RORA: variants seen among roughly 807,000 people sequenced by gnomAD.
The protein encoded by RORA is nuclear receptor ROR-alpha.
In RORA, 7 loss-of-function variants were observed where a neutral mutation model predicts 69.5. That is an observed-to-expected ratio of 0.10 (90% CI 0.06 to 0.19). RORA has a LOEUF of 0.19. Among genes scored for constraint, RORA ranks in the 10% least tolerant of loss-of-function variants. The pLI is 1.00. For missense variants in RORA, 457 were observed against 663.0 expected (o/e 0.69, Z 3.41); for synonymous variants, 261 against 240.8 (o/e 1.08, Z -0.78).
At chr15:61,196,378 T>G (rs2079845652) in intron 1 of RORA, among the ~76,000 whole-genome samples, 1 of 152,150 alleles carries the variant, frequency 6.6e-6, no homozygotes. Context: ...CCAGGACTAT[T>G]TAGGGATGGA....
chr15:60,946,703 T>G (rs1208225986), intron 1 of RORA, among the ~76,000 whole-genome samples: 1 of 152,040 alleles, frequency 6.6e-6, no homozygotes, highest in Non-Finnish European at 1.5e-5. Context: ...GTCTGGGAAG[T>G]GAGGAGCGTC....
chr15:60,984,742 G>C (rs1894146274), intron 1 of RORA, among the ~76,000 whole-genome samples: 1 of 150,672 alleles, frequency 6.6e-6, no homozygotes, highest in South Asian at 2.1e-4. Context: ...ACCCTCCAAA[G>C]TGAAATGTGT....
intron 1 of RORA, among the ~76,000 whole-genome samples, chr15:60,966,432 T>G (rs1237635234): frequency 4.6e-5 from 7 of 152,236 alleles, no homozygotes. Context: ...CCAATGTGAT[T>G]CATTTCTGTT....
intron 1 of RORA, among the ~76,000 whole-genome samples, chr15:61,034,300 T>C (rs112422732): frequency 0.014 from 2,151 of 152,306 alleles, 53 homozygotes; most frequent in African/African-American, 0.047. Flanking sequence ...ATCTAGCATT[T>C]TCTTTTAAAA....
At chr15:61,140,892 A>G (rs2079291635) in intron 1 of RORA, among the ~76,000 whole-genome samples, 1 of 152,096 alleles carries the variant, frequency 6.6e-6, no homozygotes, top group Admixed American at 6.5e-5. Context: ...ACACCTTCCT[A>G]ACTCCCTCAA....
chr15:61,158,250 G>A (rs181635304), intron 1 of RORA, among the ~76,000 whole-genome samples: 4 of 152,242 alleles, frequency 2.6e-5, no homozygotes, highest in Admixed American at 6.5e-5. Context: ...TCCAGACAGC[G>A]GGCAAATATG....
At chr15:61,079,798 G>A (rs1038789299) in intron 1 of RORA, among the ~76,000 whole-genome samples, 3 of 152,136 alleles carry the variant, frequency 2.0e-5, no homozygotes, top group African/African-American at 4.8e-5. Context: ...ACATTTGCTC[G>A]CCTGGGCACT....
chr15:60,806,262 C>G (rs2072658384), intron 1 of RORA, among the ~76,000 whole-genome samples: 1 of 152,194 alleles, frequency 6.6e-6, no homozygotes, highest in South Asian at 2.1e-4. Flanking sequence ...AATACATACT[C>G]TAGCAGCTGG....
intron 1 of RORA, among the ~76,000 whole-genome samples, chr15:61,218,943 CAT>C (rs2080068065): frequency 1.3e-5 from 2 of 152,330 alleles, no homozygotes; most frequent in African/African-American, 4.8e-5. Flanking sequence ...CGGAGACACA[CAT>C]CTTTGCTGTG....
chr15:60,943,201 T>C (rs1278362462), intron 1 of RORA, among the ~76,000 whole-genome samples: 1 of 152,178 alleles, frequency 6.6e-6, no homozygotes, highest in Non-Finnish European at 1.5e-5. Flanking sequence ...TTTGCTAGGA[T>C]GCTGGGGCAA....
At chr15:60,632,325 T>A (rs2069756632) in intron 2 of RORA, among the ~76,000 whole-genome samples, 1 of 152,056 alleles carries the variant, frequency 6.6e-6, no homozygotes, top group Non-Finnish European at 1.5e-5. Flanking sequence ...GCCAGGATGG[T>A]CTCGATCTCC....
At chr15:61,149,735 A>G (rs938460179) in intron 1 of RORA, among the ~76,000 whole-genome samples, 6 of 152,220 alleles carry the variant, frequency 3.9e-5, no homozygotes, top group Admixed American at 1.3e-4. Context: ...TGTCATAATG[A>G]TAAAACATCC....
intron 1 of RORA, among the ~76,000 whole-genome samples, chr15:60,965,101 T>C (rs989801923): frequency 6.6e-6 from 1 of 152,116 alleles, no homozygotes; most frequent in Non-Finnish European, 1.5e-5. Flanking sequence ...GAGATAACTA[T>C]AGGATGAAGT....
intron 2 of RORA, among the ~76,000 whole-genome samples, chr15:60,554,528 C>G (rs2067307008): frequency 6.6e-6 from 1 of 152,092 alleles, no homozygotes; most frequent in Non-Finnish European, 1.5e-5. Context: ...GGCTAATGAC[C>G]CATTGAAAGG....
chr15:60,784,249 G>GTT (rs1419661738), intron 1 of RORA, among the ~76,000 whole-genome samples: 1 of 152,178 alleles, frequency 6.6e-6, no homozygotes, highest in Admixed American at 6.5e-5. Flanking sequence ...TGTTGTTGTT[G>GTT]TTGTTCATGT....
chr15:60,938,263 T>C (rs764223663), intron 1 of RORA, among the ~76,000 whole-genome samples: 62 of 152,302 alleles, frequency 4.1e-4, no homozygotes, highest in Non-Finnish European at 7.2e-4. Flanking sequence ...AAAAACAATG[T>C]CTAAAACAGG....
chr15:61,124,602 ATATT>A (rs2079128633), intron 1 of RORA, among the ~76,000 whole-genome samples: 1 of 152,218 alleles, frequency 6.6e-6, no homozygotes, highest in African/African-American at 2.4e-5. Flanking sequence ...TGCCTTGTCT[ATATT>A]TATTTAACTA....
chr15:60,983,469 T>G (rs544763159), intron 1 of RORA, among the ~76,000 whole-genome samples: 5 of 152,304 alleles, frequency 3.3e-5, no homozygotes, highest in Non-Finnish European at 5.9e-5. Flanking sequence ...CTTTCTAGTT[T>G]TTTCCTGATC....
chr15:60,918,143 C>T (rs570158567), intron 1 of RORA, among the ~76,000 whole-genome samples: 58 of 152,356 alleles, frequency 3.8e-4, no homozygotes, highest in Non-Finnish European at 1.6e-4. Context: ...AAGGATTAAG[C>T]ACCATCCCCA....
Sources: allele counts gnomAD v4.1 joint callset (sites outside exome capture counted in the v4.1 genomes callset), GRCh38; gene constraint gnomAD v4.1.1; transcripts MANE v1.5; gene names NCBI Gene and HGNC (gene_info 2026-07-23, HGNC 2026-07-21).